The following RCBTB1 variants were observed in gnomAD, a reference collection of about 807,000 sequenced individuals.
The protein encoded by RCBTB1 is RCC1 and BTB domain-containing protein 1.
Under a neutral mutation model 62.4 loss-of-function variants are expected in RCBTB1, and 46 were observed. That is an observed-to-expected ratio of 0.74 (90% CI 0.58 to 0.94). RCBTB1 has a LOEUF of 0.94. RCBTB1 is among the 40% of genes least tolerant of loss of function. The pLI is 0.00. For missense variants in RCBTB1, 565 were observed against 654.9 expected (o/e 0.86, Z 1.50); for synonymous variants, 222 against 245.8 (o/e 0.90, Z 0.91).
chr13:49,559,484 G>T (rs547540072), intron 5 of RCBTB1, among the ~76,000 whole-genome samples: 2 of 152,044 alleles, frequency 1.3e-5, no homozygotes, highest in South Asian at 4.2e-4. Context: ...GTGAAACCCT[G>T]TCTCTACTAA....
rs1963021387 is a variant in RCBTB1, at chr13:49,566,491, T to C, written c.277+127A>G. 3 of 909,096 alleles carry C rather than the reference T, an allele frequency of 3.3e-6. No individual in the cohort carries two copies. In the Admixed American group the frequency reaches 8.1e-5, roughly 24 times the overall value. 56.3% of individuals were successfully genotyped at this position (909,096 alleles called of 1,614,324 possible). A position where few individuals can be genotyped will look rare whatever the true frequency, so the allele number is the denominator to read the frequency against. ...TTTAACTTTCACCTGCTTTATGTAC[T>C]TCCTCTCAGAAATTAAGAAGCAAAC... On this transcript the variant is annotated intron_variant, in intron 4 of 12. Coordinates refer to ENST00000378302, the MANE Select transcript of RCBTB1 (RefSeq NM_018191.4).
At chr13:49,566,177 T>G (rs1297633553) in intron 4 of RCBTB1, among the ~76,000 whole-genome samples, 2 of 151,068 alleles carry the variant, frequency 1.3e-5, no homozygotes, top group African/African-American at 2.5e-5. Flanking sequence ...GTTCACTTGT[T>G]TATCTGCTGA....
intron 4 of RCBTB1, among the ~76,000 whole-genome samples, chr13:49,563,743 C>T (rs996856394): frequency 2.0e-5 from 3 of 152,236 alleles, no homozygotes; most frequent in Non-Finnish European, 4.4e-5. Flanking sequence ...CCTCATTATG[C>T]TCAACTCCAG....
rs762764935 is a variant in RCBTB1 at position 49,541,703 on chromosome 13, C to T, written c.1297G>A (p.Val433Ile). 1.9e-6 allele frequency: 3 copies of T among 1,612,882 alleles called. No homozygotes were observed. Among genetic ancestry groups the T allele is most frequent in the Non-Finnish European group, 1.7e-6 (2 of 1,179,634 alleles). Residue 433 changes from valine to isoleucine, a missense_variant, in exon 11 of 13, where the codon GTC becomes ATC. Val to Ile is a conservative substitution (Grantham distance 29, BLOSUM62 3). Transcript: ENST00000378302. ...AFLQYLYTDT[V>I]DLPPEDAIGL... ...ATAGCATCTTCTGGCGGCAGGTCGA[C>T]TGTGTCTGTGTAGAGGTACTGGAGA...
At chr13:49,558,346 G>A (rs184946862) in intron 5 of RCBTB1, among the ~76,000 whole-genome samples, 35 of 152,208 alleles carry the variant, frequency 2.3e-4, no homozygotes, top group Non-Finnish European at 3.4e-4. Context: ...TGGAACAAAC[G>A]GGTTGGAAAA....
rs918125807 is a variant in RCBTB1, at chr13:49,532,130, A to T, written c.*1992T>A. ...AGATGAAAAAATCAATTCAAATAAG[A>T]GTTGTCATATCCTGCTATGATTAAC... On this transcript the variant is annotated 3_prime_UTR_variant, in exon 13 of 13. Coordinates refer to ENST00000378302, the MANE Select transcript of RCBTB1 (RefSeq NM_018191.4). 6.6e-6 allele frequency: 1 copy of T among 152,634 alleles called. No homozygotes were observed. Among genetic ancestry groups the T allele is most frequent in the Admixed American group, 6.5e-5 (1 of 15,282 alleles). The allele number at this position is 152,634 out of a possible 1,614,324, so 9.5% of individuals were successfully genotyped here.
chr13:49,567,095 T>C, intron 3 of RCBTB1, 59 bp downstream of exon 3: 1 of 1,561,598 alleles, frequency 6.4e-7, no homozygotes, highest in Non-Finnish European at 8.8e-7. Flanking sequence ...AACTGGACAC[T>C]TTGAAGACCA....
chr13:49,572,257 G>A (rs946595493), intron 2 of RCBTB1, among the ~76,000 whole-genome samples: 2 of 151,694 alleles, frequency 1.3e-5, no homozygotes, highest in Non-Finnish European at 2.9e-5. Context: ...AACCTGGGAG[G>A]TGGAGGTTGC....
chr13:49,559,636 A>T (rs1962261919), intron 5 of RCBTB1, among the ~76,000 whole-genome samples: 1 of 143,334 alleles, frequency 7.0e-6, no homozygotes, highest in African/African-American at 2.7e-5. Flanking sequence ...AGCCTGGGCG[A>T]CAGAGCGAGA....
chr13:49,551,513 G>T, intron 7 of RCBTB1, 45 bp from the exon 8 acceptor site: 1 of 1,608,466 alleles, frequency 6.2e-7, no homozygotes, highest in East Asian at 2.2e-5. Context: ...AAAACAGGAA[G>T]GGCAGGGAGA....
chr13:49,574,887 C>T (rs1426015439), intron 2 of RCBTB1, among the ~76,000 whole-genome samples: 42 of 151,890 alleles, frequency 2.8e-4, no homozygotes, highest in Admixed American at 2.8e-3. Context: ...TCTACACATA[C>T]GATAGAATAT....
At chr13:49,571,223 G>A (rs1460937201) in intron 2 of RCBTB1, among the ~76,000 whole-genome samples, 4 of 152,128 alleles carry the variant, frequency 2.6e-5, no homozygotes, top group African/African-American at 4.8e-5. Flanking sequence ...GCACATGCCT[G>A]TAATCCCAGC....
chr13:49,535,234 T>C (rs1237606791), intron 12 of RCBTB1, among the ~76,000 whole-genome samples: 7 of 152,080 alleles, frequency 4.6e-5, no homozygotes, highest in Admixed American at 4.6e-4. Context: ...GGGAGTAACA[T>C]CCACAAGGGG....
intron 2 of RCBTB1, among the ~76,000 whole-genome samples, chr13:49,572,275 C>T (rs1040152231): frequency 2.0e-5 from 3 of 149,818 alleles, no homozygotes; most frequent in Non-Finnish European, 4.4e-5. Context: ...TGCAGTGAGC[C>T]GAGATCATGC....
At chr13:49,538,645 A>G (rs1350788094) in intron 12 of RCBTB1, among the ~76,000 whole-genome samples, 1 of 151,996 alleles carries the variant, frequency 6.6e-6, no homozygotes, top group Non-Finnish European at 1.5e-5. Flanking sequence ...GAGCCCAGGA[A>G]GTTGAGGCTA....
intron 1 of RCBTB1, among the ~76,000 whole-genome samples, chr13:49,583,201 T>C (rs897265067): frequency 6.6e-6 from 1 of 151,770 alleles, no homozygotes; most frequent in Admixed American, 6.6e-5. Flanking sequence ...AGTGGAGCAA[T>C]TGGGGGTAAA....
intron 9 of RCBTB1, 134 bp downstream of exon 9, chr13:49,549,324 A>G: frequency 1.3e-6 from 1 of 783,232 alleles, no homozygotes; most frequent in South Asian, 2.3e-5. Context: ...ATGCACATCT[A>G]TTTTGACGGA....
chr13:49,576,408 A>C (rs2137376513), intron 2 of RCBTB1, among the ~76,000 whole-genome samples: 1 of 152,260 alleles, frequency 6.6e-6, no homozygotes, highest in South Asian at 2.1e-4. Flanking sequence ...AATAAACTCA[A>C]AGATACATTT....
chr13:49,579,381 T>C (rs58942290), intron 2 of RCBTB1, among the ~76,000 whole-genome samples: 1 of 152,196 alleles, frequency 6.6e-6, no homozygotes, highest in African/African-American at 2.4e-5. Context: ...CCCAGCACTT[T>C]GGGAGGCCGA....
Sources: gnomAD v4.1 joint callset for allele counts (sites outside exome capture counted in the v4.1 genomes callset) on GRCh38, gnomAD v4.1.1 for gene constraint, MANE v1.5 for transcripts, NCBI Gene and HGNC (gene_info 2026-07-23, HGNC 2026-07-21) for gene names.